The following WAC variants were observed in gnomAD, a reference collection of about 807,000 sequenced individuals.
WAC encodes the protein WW domain-containing adapter protein with coiled-coil.
Under a neutral mutation model 79.6 loss-of-function variants are expected in WAC, and 11 were observed. The ratio of observed to expected loss-of-function variants is 0.14; its 90% CI spans 0.09 to 0.23. WAC has a LOEUF of 0.23. Ranked by LOEUF, WAC falls within the 10% of genes least tolerant of loss-of-function variation. The pLI, the probability that WAC is intolerant of heterozygous loss-of-function variation, is 1.00. For missense variants in WAC, 728 were observed against 773.5 expected (o/e 0.94, Z 0.70); for synonymous variants, 304 against 276.9 (o/e 1.10, Z -0.97).
At chr10:28,539,915 T>C (rs181492379) in intron 3 of WAC, among the ~76,000 whole-genome samples, 8 of 152,292 alleles carry the variant, frequency 5.3e-5, no homozygotes, top group African/African-American at 1.7e-4. Flanking sequence ...TTTGGAAATG[T>C]ATTTTCATCT....
chr10:28,533,919 C>T (rs1836451456), intron 1 of WAC, 79 bp from the exon 2 acceptor site: 4 of 1,541,982 alleles, frequency 2.6e-6, no homozygotes, highest in Non-Finnish European at 3.5e-6. Flanking sequence ...GGAGGGGCGG[C>T]GGGGGCCCCG....
chr10:28,535,378 G>A, intron 2 of WAC, 184 bp from the exon 3 acceptor site: 2 of 448,534 alleles, frequency 4.5e-6, no homozygotes, highest in Non-Finnish European at 7.2e-6. Flanking sequence ...GAGTCTTATT[G>A]TAACGCTTAA....
At chr10:28,551,982 A>G (rs1837705540) in intron 3 of WAC, among the ~76,000 whole-genome samples, 1 of 151,734 alleles carries the variant, frequency 6.6e-6, no homozygotes, top group Non-Finnish European at 1.5e-5. Context: ...ATGCGCCACG[A>G]CGCCCAACTA....
At position 28,577,407 on chromosome 10, in the gene WAC, A is replaced by C. The variant is rs529314133; in HGVS notation, c.275-5992A>C. The stretch of plus-strand genomic sequence containing the variant: ...CTGTGCTATTCAAGTTTTTATTAGT[A>C]CTCTGATAATAAAGTTGCATAATTT... On this transcript the variant is annotated intron_variant, in intron 3 of 13. Coordinates refer to ENST00000354911, the MANE Select transcript of WAC (RefSeq NM_016628.5). Among the ~76,000 whole-genome samples the C allele has an allele frequency of 3.5e-4, 53 of 152,062 alleles. No homozygotes were observed. In the East Asian group the frequency reaches 6.8e-3, roughly 19 times the overall value.
intron 4 of WAC, 81 bp downstream of exon 4, chr10:28,583,586 C>A: frequency 1.1e-6 from 1 of 914,376 alleles, no homozygotes. Flanking sequence ...CATGGCAAGT[C>A]TTGTAAAATC....
At chr10:28,571,532 C>CTGAA (rs1838963544) in intron 3 of WAC, among the ~76,000 whole-genome samples, 1 of 152,178 alleles carries the variant, frequency 6.6e-6, no homozygotes. Context: ...TGTCCCTTGA[C>CTGAA]TGAAGGTTGT....
At chr10:28,571,018 G>A (rs796248778) in intron 3 of WAC, among the ~76,000 whole-genome samples, 7 of 126,708 alleles carry the variant, frequency 5.5e-5, no homozygotes, top group East Asian at 4.9e-4. Flanking sequence ...GTTCAGTGGC[G>A]CGATCTTGGC....
intron 7 of WAC, among the ~76,000 whole-genome samples, chr10:28,599,348 T>C (rs978653627): frequency 2.0e-5 from 3 of 152,190 alleles, no homozygotes; most frequent in African/African-American, 7.2e-5. Flanking sequence ...AGAGTCTTTG[T>C]CTTTCTTAAC....
At chr10:28,616,883 A>G (rs1369411525) in intron 12 of WAC, among the ~76,000 whole-genome samples, 1 of 152,182 alleles carries the variant, frequency 6.6e-6, no homozygotes, top group Non-Finnish European at 1.5e-5. Context: ...GGAGTTCGAG[A>G]CCAGTCTGAC....
intron 4 of WAC, among the ~76,000 whole-genome samples, chr10:28,587,562 T>G (rs1195164888): frequency 6.6e-6 from 1 of 152,238 alleles, no homozygotes; most frequent in Non-Finnish European, 1.5e-5. Context: ...CTAGAAAACT[T>G]TAAATGTTTG....
chr10:28,608,922 G>A (rs1316123378), intron 8 of WAC, among the ~76,000 whole-genome samples: 5 of 152,090 alleles, frequency 3.3e-5, no homozygotes, highest in African/African-American at 1.2e-4. Context: ...TAGATAAAAT[G>A]TTGCCATTTT....
intron 3 of WAC, among the ~76,000 whole-genome samples, chr10:28,554,610 A>G (rs1837879134): frequency 6.6e-6 from 1 of 151,936 alleles, no homozygotes; most frequent in Non-Finnish European, 1.5e-5. Flanking sequence ...GAGTCATACT[A>G]CCCCACCATT....
chr10:28,595,795 A>G lies in WAC; in HGVS notation c.673A>G (p.Ser225Gly), dbSNP rs1228606182. The change falls in exon 7 of 14, where the codon AGC becomes GGC. Residue 225 changes from serine (S) to glycine (G), a missense_variant. Coordinates refer to ENST00000354911, the MANE Select transcript of WAC (RefSeq NM_016628.5). ...LLPQNILSQT[S>G]RHNDRDYRLP... ...CCCACAGAATATTTTGTCTCAAACA[A>G]GCAGACACAATGACAGAGACTACAG... 6.2e-7 allele frequency: 1 copy of G among 1,614,132 alleles called. No individual in the cohort carries two copies. Among genetic ancestry groups the G allele is most frequent in the Non-Finnish European group, 8.5e-7 (1 of 1,180,008 alleles).
At chr10:28,534,601 G>T (rs984329599) in intron 2 of WAC, among the ~76,000 whole-genome samples, 1 of 152,206 alleles carries the variant, frequency 6.6e-6, no homozygotes, top group Non-Finnish European at 1.5e-5. Flanking sequence ...TCTGATGTAG[G>T]TGGTTCTAGG....
At chr10:28,615,907 A>G (rs1339790670) in intron 11 of WAC, 2 of 331,082 alleles carry the variant, frequency 6.0e-6, no homozygotes, top group Middle Eastern at 8.7e-4. Flanking sequence ...GTGGTACACA[A>G]AGTTAACAGG....
intron 3 of WAC, among the ~76,000 whole-genome samples, chr10:28,577,658 A>T (rs541782126): frequency 5.4e-4 from 82 of 152,332 alleles, no homozygotes; most frequent in African/African-American, 1.7e-3. Context: ...CAGAGGAAGA[A>T]GATCTTGGGA....
intron 3 of WAC, among the ~76,000 whole-genome samples, chr10:28,557,843 G>A (rs1838079862): frequency 6.6e-6 from 1 of 152,140 alleles, no homozygotes; most frequent in Admixed American, 6.5e-5. Context: ...CAGAGGCCGA[G>A]GTGGGTGGAT....
intron 7 of WAC, among the ~76,000 whole-genome samples, chr10:28,596,387 T>C (rs1268391847): frequency 6.6e-6 from 1 of 152,176 alleles, no homozygotes; most frequent in African/African-American, 2.4e-5. Context: ...ATCGTCTCAG[T>C]TTTCTCTTAA....
intron 6 of WAC, among the ~76,000 whole-genome samples, chr10:28,592,318 A>C (rs1400821831): frequency 1.3e-5 from 2 of 152,120 alleles, no homozygotes; most frequent in East Asian, 3.9e-4. Context: ...AGGGGAGGGG[A>C]TGCACAGAAA....
Sources: allele counts gnomAD v4.1 joint callset (sites outside exome capture counted in the v4.1 genomes callset), GRCh38; gene constraint gnomAD v4.1.1; transcripts MANE v1.5; gene names NCBI Gene and HGNC (gene_info 2026-07-23, HGNC 2026-07-21).